Variants in SLC8A1 observed in about 807,000 individuals in gnomAD.
SLC8A1 encodes solute carrier family 8 member A1, also known as sodium/calcium exchanger 1.
A neutral mutation model predicts 68.3 loss-of-function variants in SLC8A1; 18 were observed. The observed-to-expected ratio is 0.26, with a 90% CI of 0.18 to 0.39. The LOEUF (loss-of-function observed/expected upper bound fraction) is 0.39, where lower values mean the gene tolerates loss of function less well. SLC8A1 is among the 10% of genes least tolerant of loss of function. The pLI is 1.00. For missense variants in SLC8A1, 985 were observed against 1,156.7 expected (o/e 0.85, Z 2.15); for synonymous variants, 475 against 415.5 (o/e 1.14, Z -1.74).
At chr2:40,201,374 A>G (rs1205991883) in intron 2 of SLC8A1, among the ~76,000 whole-genome samples, 1 of 151,930 alleles carries the variant, frequency 6.6e-6, no homozygotes, top group African/African-American at 2.4e-5. Context: ...ATTTACAAAT[A>G]TATTATTTTT....
chr2:40,305,891 G>A (rs564142431), intron 2 of SLC8A1, among the ~76,000 whole-genome samples: 2 of 152,254 alleles, frequency 1.3e-5, no homozygotes, highest in Admixed American at 1.3e-4. Context: ...GACATTATAT[G>A]CACATTCCTA....
intron 2 of SLC8A1, among the ~76,000 whole-genome samples, chr2:40,266,834 C>G (rs2065414735): frequency 6.6e-6 from 1 of 152,152 alleles, no homozygotes; most frequent in Non-Finnish European, 1.5e-5. Flanking sequence ...ATAAAATTGG[C>G]ACTCTGCTTC....
chr2:40,206,476 G>C (rs1249667202), intron 2 of SLC8A1, among the ~76,000 whole-genome samples: 4 of 151,950 alleles, frequency 2.6e-5, no homozygotes, highest in Non-Finnish European at 5.9e-5. Flanking sequence ...CCAAAATGAA[G>C]GATAACCTTA....
intron 1 of SLC8A1, among the ~76,000 whole-genome samples, chr2:40,494,445 G>A (rs941330919): frequency 4.0e-5 from 6 of 151,578 alleles, no homozygotes; most frequent in East Asian, 1.9e-4. Flanking sequence ...GCTATTGTGA[G>A]TAGTGCCGCA....
chr2:40,302,031 C>CTCTGTG (rs1553486170), intron 2 of SLC8A1, among the ~76,000 whole-genome samples: 9 of 132,228 alleles, frequency 6.8e-5, no homozygotes, highest in Non-Finnish European at 1.1e-4. Context: ...CCGGGCTAAT[C>CTCTGTG]TGTGTGTGTG....
chr2:40,305,554 A>G (rs747052840), intron 2 of SLC8A1, among the ~76,000 whole-genome samples: 1 of 152,184 alleles, frequency 6.6e-6, no homozygotes, highest in Non-Finnish European at 1.5e-5. Flanking sequence ...AGGGATTATT[A>G]ATATTTCAGA....
chr2:40,175,388 G>C, intron 3 of SLC8A1, 107 bp from the exon 4 acceptor site: 1 of 1,102,890 alleles, frequency 9.1e-7, no homozygotes, highest in Non-Finnish European at 1.4e-6. Context: ...GATTACAGTG[G>C]TAGGGAGCCA....
chr2:40,238,809 AATGTATATC>A (rs1301232060), intron 2 of SLC8A1, among the ~76,000 whole-genome samples: 7 of 152,148 alleles, frequency 4.6e-5, no homozygotes, highest in South Asian at 2.1e-4. Flanking sequence ...GGAGGAAATT[AATGTATATC>A]ATTATATATA....
At chr2:40,339,011 C>T (rs1178341772) in intron 2 of SLC8A1, among the ~76,000 whole-genome samples, 1 of 152,210 alleles carries the variant, frequency 6.6e-6, no homozygotes, top group Non-Finnish European at 1.5e-5. Flanking sequence ...AGATGATGGG[C>T]TGCTCTGTGC....
chr2:40,252,961 ATATG>A lies in SLC8A1; in HGVS notation c.1809-75110_1809-75107del, dbSNP rs1223443377. On this transcript the variant is annotated intron_variant, in intron 2 of 7. Transcript: ENST00000406785. Reference sequence around the variant, plus strand: ...TATGTACATATATACATATGTGTGTATATGTATGTACATATATGTATCTGTATAT... The same window carrying A: ...TATGTACATATATACATATGTGTGTATATGTACATATATGTATCTGTATAT... Among the ~76,000 whole-genome samples the A allele has an allele frequency of 6.9e-5, 10 of 144,006 alleles. No individual in the cohort carries two copies. In the East Asian group the frequency reaches 1.2e-3, roughly 17 times the overall value. The allele number at this position is 144,006 out of a possible 152,430, so 94.5% of individuals were successfully genotyped here.
At chr2:40,488,711 A>T (rs1453675878) in intron 1 of SLC8A1, among the ~76,000 whole-genome samples, 1 of 152,060 alleles carries the variant, frequency 6.6e-6, no homozygotes, top group Non-Finnish European at 1.5e-5. Flanking sequence ...AGGTTATTTA[A>T]ATTCACATGA....
intron 7 of SLC8A1, among the ~76,000 whole-genome samples, chr2:40,123,620 C>G (rs1425371678): frequency 6.6e-6 from 1 of 152,106 alleles, no homozygotes; most frequent in Non-Finnish European, 1.5e-5. Context: ...AATGAACTTG[C>G]TTTTAAAATA....
chr2:40,258,226 C>T (rs763828779), intron 2 of SLC8A1, among the ~76,000 whole-genome samples: 23 of 152,162 alleles, frequency 1.5e-4, no homozygotes, highest in Non-Finnish European at 2.8e-4. Flanking sequence ...TCTCCAAGGT[C>T]GGATGTAGTG....
chr2:40,371,736 G>A (rs568845296), intron 2 of SLC8A1, among the ~76,000 whole-genome samples: 2 of 152,200 alleles, frequency 1.3e-5, no homozygotes, highest in East Asian at 3.9e-4. Context: ...GAGATGGGAT[G>A]TGCAAAATTG....
chr2:40,460,584 T>A (rs1028753413), intron 1 of SLC8A1, among the ~76,000 whole-genome samples: 1 of 112,042 alleles, frequency 8.9e-6, no homozygotes. Flanking sequence ...TTTTTTAATT[T>A]TTTTTTTTTT....
At chr2:40,457,018 C>T (rs549566400), upstream of SLC8A1, among the ~76,000 whole-genome samples, 2 of 152,292 alleles carry the variant, frequency 1.3e-5, no homozygotes, top group South Asian at 4.1e-4. Flanking sequence ...CTCTCCTTCA[C>T]AATAATTCTG....
At chr2:40,509,504 C>T (rs1317343086) in intron 1 of SLC8A1, among the ~76,000 whole-genome samples, 1 of 143,246 alleles carries the variant, frequency 7.0e-6, no homozygotes, top group Non-Finnish European at 1.5e-5. Flanking sequence ...AACATAATGA[C>T]CTTTTCTGTG....
chr2:40,451,035 T>C (rs1702380244), intron 1 of SLC8A1, among the ~76,000 whole-genome samples: 1 of 152,022 alleles, frequency 6.6e-6, no homozygotes, highest in South Asian at 2.1e-4. Context: ...GATGCACACG[T>C]ACTGTATTTT....
At chr2:40,223,565 G>C (rs1465916863) in intron 2 of SLC8A1, 1 of 151,784 alleles carries the variant, frequency 6.6e-6, no homozygotes, top group Non-Finnish European at 1.5e-5. Flanking sequence ...TATTTGGATG[G>C]TTTCTTTTCC....
Sources: allele counts gnomAD v4.1 joint callset (sites outside exome capture counted in the v4.1 genomes callset), GRCh38; gene constraint gnomAD v4.1.1; transcripts MANE v1.5; gene names NCBI Gene and HGNC (gene_info 2026-07-23, HGNC 2026-07-21).